Variants in ASCC1 observed in about 807,000 individuals in gnomAD.
ASCC1 encodes the protein activating signal cointegrator 1 complex subunit 1, also known as ASC-1 complex subunit P50.
In ASCC1, 35 loss-of-function variants were observed where a neutral mutation model predicts 46.6. That is an observed-to-expected ratio of 0.75 (90% confidence interval 0.57 to 0.99). The LOEUF is 0.99. Among genes scored for constraint, ASCC1 ranks in the 50% least tolerant of loss-of-function variants. The pLI is 0.00. For missense variants in ASCC1, 376 were observed against 428.7 expected, an observed-to-expected ratio of 0.88 and a Z score of 1.09; for synonymous variants, 143 against 146.6, an observed-to-expected ratio of 0.98 and a Z score of 0.18.
In ASCC1 at chr10:72,120,902, A is replaced by G. The variant is rs540065925; in HGVS notation, c.957+7180T>C. On this transcript the variant is annotated intron_variant, in intron 9 of 9. Coordinates refer to ENST00000672957, the MANE Select transcript of ASCC1 (RefSeq NM_001198800.3). ...GAAAGAAGAGAAAAAGAAATTATATATAATGCTCAAATAAACCAAAAAAGG... is the reference window on the plus strand; with the variant it reads ...GAAAGAAGAGAAAAAGAAATTATATGTAATGCTCAAATAAACCAAAAAAGG... Among the ~76,000 whole-genome samples the G allele has an allele frequency of 3.1e-4, 47 of 152,278 alleles. 1 individual carries two copies. Among genetic ancestry groups the G allele is most frequent in the Admixed American group, 2.6e-4 (4 of 15,298 alleles).
intron 5 of ASCC1, among the ~76,000 whole-genome samples, chr10:72,185,238 A>G (rs1447502832): frequency 6.6e-6 from 1 of 152,234 alleles, no homozygotes; most frequent in Admixed American, 6.5e-5. Flanking sequence ...TAAACTAAAC[A>G]TACACTTGCA....
Position 72,129,679 on chromosome 10 carries a change from AC to A in ASCC1, c.872-1513del, listed in dbSNP as rs1845330731. Among the ~76,000 whole-genome samples, 3 of 151,930 alleles carry A rather than the reference AC, an allele frequency of 2.0e-5. No homozygotes were observed. In the South Asian group the frequency reaches 6.2e-4, roughly 32 times the overall value. On this transcript the variant is annotated intron_variant, in intron 8 of 9. Transcript: ENST00000672957. ...AAATTAGCCAGGCATGGTGGCGCAC[AC>A]CTGTAATCCCAGCTACTCAGGAGGC...
intron 4 of ASCC1, 110 bp from the exon 5 acceptor site, chr10:72,197,099 T>C (rs1855550982): frequency 5.2e-6 from 5 of 955,398 alleles, no homozygotes; most frequent in Non-Finnish European, 5.0e-6. Flanking sequence ...TGAATGCGTA[T>C]ATGAATCTAA....
At chr10:72,167,344 G>A (rs1324296278) in intron 5 of ASCC1, among the ~76,000 whole-genome samples, 1 of 152,146 alleles carries the variant, frequency 6.6e-6, no homozygotes, top group Non-Finnish European at 1.5e-5. Flanking sequence ...AATAAAAGAA[G>A]CCAGATGCAA....
At chr10:72,169,685 C>G (rs1476270472) in intron 5 of ASCC1, among the ~76,000 whole-genome samples, 1 of 152,060 alleles carries the variant, frequency 6.6e-6, no homozygotes, top group Non-Finnish European at 1.5e-5. Flanking sequence ...TTTGGAAGCA[C>G]GTTAATGGTC....
At chr10:72,216,744 A>G, upstream of ASCC1, 1 of 449,414 alleles carries the variant, frequency 2.2e-6, no homozygotes, top group Non-Finnish European at 4.5e-6. Flanking sequence ...TAAGCATCTT[A>G]GCTCGGACAC....
chr10:72,211,785 T>G (rs1858167523), intron 2 of ASCC1, among the ~76,000 whole-genome samples: 1 of 150,104 alleles, frequency 6.7e-6, no homozygotes, highest in Admixed American at 6.7e-5. Context: ...ATCGCGCCAC[T>G]GCACTCCAGC....
At chr10:72,116,061 G>T (rs1043850642) in intron 9 of ASCC1, among the ~76,000 whole-genome samples, 12 of 152,178 alleles carry the variant, frequency 7.9e-5, no homozygotes, top group Non-Finnish European at 1.8e-4. Flanking sequence ...TTTCTGGAAG[G>T]TGCTATATAA....
At chr10:72,165,837 C>A (rs1019878789) in intron 5 of ASCC1, among the ~76,000 whole-genome samples, 1 of 152,170 alleles carries the variant, frequency 6.6e-6, no homozygotes, top group Admixed American at 6.5e-5. Context: ...CATGCAAAGC[C>A]CCTCAAATTA....
chr10:72,205,370 C>T (rs1175007481), intron 3 of ASCC1, among the ~76,000 whole-genome samples: 1 of 152,132 alleles, frequency 6.6e-6, no homozygotes, highest in Admixed American at 6.6e-5. Context: ...TGGCTCACAC[C>T]TGTAATCCCA....
At chr10:72,176,256 C>T (rs1851843733) in intron 5 of ASCC1, among the ~76,000 whole-genome samples, 1 of 152,154 alleles carries the variant, frequency 6.6e-6, no homozygotes, top group South Asian at 2.1e-4. Context: ...AACTCCTTAC[C>T]TCTCAAGACA....
At chr10:72,115,703 G>A (rs1305873167) in intron 9 of ASCC1, among the ~76,000 whole-genome samples, 1 of 152,208 alleles carries the variant, frequency 6.6e-6, no homozygotes, top group East Asian at 1.9e-4. Flanking sequence ...ACTTTTTACA[G>A]TGTTGTTTTG....
rs1841153386 is a variant in ASCC1, at chr10:72,096,923, G to A, written c.*411C>T. 2.2e-6 allele frequency: 1 copy of A among 454,124 alleles called. No individual in the cohort carries two copies. Among genetic ancestry groups the A allele is most frequent in the Non-Finnish European group, 4.4e-6 (1 of 226,902 alleles). The allele number at this position is 454,124 out of a possible 1,614,324, so 28.1% of individuals were successfully genotyped here. A position where few individuals can be genotyped will look rare whatever the true frequency, so the allele number is the denominator to read the frequency against. ...GGGGCTGGGAGGAGTGGGAATTACT[G>A]TTTAATGGGTACAGTTTCCATTTTA... On this transcript the variant is annotated 3_prime_UTR_variant, in exon 10 of 10. Coordinates refer to ENST00000672957, the MANE Select transcript of ASCC1 (RefSeq NM_001198800.3).
intron 5 of ASCC1, among the ~76,000 whole-genome samples, chr10:72,182,519 C>T (rs181243429): frequency 7.6e-4 from 115 of 151,846 alleles, no homozygotes; most frequent in African/African-American, 2.4e-3. Flanking sequence ...GCAGGTGCCA[C>T]GGCAGGGTTG....
chr10:72,128,075 T>C lies in ASCC1; in HGVS notation c.957+7A>G, dbSNP rs748062345. 2.5e-6 allele frequency: 4 copies of C among 1,610,430 alleles called. No homozygotes were observed. The highest frequency in any genetic ancestry group is 2.2e-5 in the East Asian group (1 of 44,842). On this transcript the variant is annotated splice_region_variant and intron_variant, in intron 9 of 9. Coordinates refer to ENST00000672957, the MANE Select transcript of ASCC1 (RefSeq NM_001198800.3). ...AGGATTTCCAATTCACTCTGCTTCATACTGACCTTTAAAATATTTCGGCCA... is the reference window on the plus strand; with the variant it reads ...AGGATTTCCAATTCACTCTGCTTCACACTGACCTTTAAAATATTTCGGCCA...
intron 7 of ASCC1, among the ~76,000 whole-genome samples, chr10:72,147,732 TA>T (rs1326191659): frequency 6.6e-6 from 1 of 152,160 alleles, no homozygotes. Context: ...AAAATGGGCA[TA>T]AAAACAGTAT....
In ASCC1 at chr10:72,147,796, C is replaced by A. The variant is rs1847824051; in HGVS notation, c.746+5073G>T. Among the ~76,000 whole-genome samples, 3 of 152,238 alleles carry A rather than the reference C, an allele frequency of 2.0e-5. No homozygotes were observed. The South Asian group carries it at 6.2e-4, about 32-fold the overall frequency. ...AAATGGAAATAATACAATCTAAGCA[C>A]CGTGCCAGGCAAGAGTAAGTGCTAA... On this transcript the variant is annotated intron_variant, in intron 7 of 9. Transcript: ENST00000672957.
At chr10:72,114,967 A>G (rs1478896005) in intron 9 of ASCC1, among the ~76,000 whole-genome samples, 1 of 152,242 alleles carries the variant, frequency 6.6e-6, no homozygotes, top group Non-Finnish European at 1.5e-5. Context: ...TGGATTTCAC[A>G]TAATTTTCAC....
intron 7 of ASCC1, 129 bp downstream of exon 7, chr10:72,152,740 A>AG (rs554986214): frequency 2.6e-6 from 3 of 1,147,310 alleles, no homozygotes; most frequent in African/African-American, 1.6e-5. Flanking sequence ...ATTAAAAAAA[A>AG]AGAGAGAGAA....
Sources: gnomAD v4.1 joint callset for allele counts (sites outside exome capture counted in the v4.1 genomes callset) on GRCh38, gnomAD v4.1.1 for gene constraint, MANE v1.5 for transcripts, NCBI Gene and HGNC (gene_info 2026-07-23, HGNC 2026-07-21) for gene names.